Variants in CNOT1 observed in about 807,000 individuals in gnomAD.
The protein encoded by CNOT1 is CCR4-NOT transcription complex subunit 1, also known as CCR4-associated factor 1.
A neutral mutation model predicts 273.8 loss-of-function variants in CNOT1; 15 were observed. The observed-to-expected ratio is 0.05, with a 90% CI of 0.04 to 0.08. The LOEUF (loss-of-function observed/expected upper bound fraction) is 0.08. Among genes scored for constraint, CNOT1 ranks in the 10% least tolerant of loss-of-function variants. The probability of loss-of-function intolerance (pLI) is 1.00; values close to 1 mark genes in which losing one functional copy is unlikely to be tolerated. For synonymous variants in CNOT1, 1,022 were observed against 1,005.5 expected, an observed-to-expected ratio of 1.02 and a Z score of -0.31; for missense variants, 1,644 against 2,912.2, an observed-to-expected ratio of 0.56 and a Z score of 10.02.
At position 58,547,397 on chromosome 16, in the gene CNOT1, G is replaced by C. The variant is rs540792397; in HGVS notation, c.3640-101C>G. The C allele has an allele frequency of 2.0e-5, 31 of 1,551,460 alleles. No individual in the cohort carries two copies. The highest frequency in any genetic ancestry group is 1.9e-4 in the African/African-American group (14 of 72,930). On this transcript the variant is annotated intron_variant, in intron 26 of 48. Transcript: ENST00000317147. The surrounding 1 kb of genome is among the most constrained non-coding windows in gnomAD (Gnocchi z 4.0). ...TTTGCCAAGCTTATCCCCAAAACAG[G>C]AATCAACATAATGTCTAGTCCTTGC...
Position 58,586,694 on chromosome 16 carries a change from G to A in CNOT1, c.488C>T (p.Ala163Val). ...ACCTTCTTGATTTCCACTGACGTCT[G>A]CGTCAATGTAAGAACGCAGAAGATC... ...LPDLLRSYID[A>V]DVSGNQEGGF... Residue 163 changes from alanine to valine, a missense_variant, in exon 7 of 49, where the codon GCA (alanine) becomes GTA (valine). Coordinates refer to ENST00000317147, the MANE Select transcript of CNOT1 (RefSeq NM_016284.5). 1 of 1,613,350 alleles carries A rather than the reference G, an allele frequency of 6.2e-7. No homozygotes were observed. Among genetic ancestry groups the A allele is most frequent in the Non-Finnish European group, 8.5e-7 (1 of 1,179,926 alleles).
rs113668571 is a variant in CNOT1 at position 58,587,241 on chromosome 16, A to G, written c.393T>C (p.Leu131=). The G allele has an allele frequency of 1.9e-6, 3 of 1,613,702 alleles. No individual in the cohort carries two copies. In the African/African-American group the frequency reaches 4.0e-5, roughly 22 times the overall value. ...CTGAGCTGGAAGAATTCAACAGGGC[A>G]AGGCCAAAAATTACCTGAAACAAGA... The part of the protein sequence containing the change: ...LSKVQEVIFG[L]ALLNSSSSDL... Residue 131 remains leucine (L), a synonymous_variant, in exon 6 of 49, where the codon CTT becomes CTC. Transcript: ENST00000317147.
chr16:58,554,935 C>CAAAAGAA (rs774456750), intron 21 of CNOT1, among the ~76,000 whole-genome samples: 1,554 of 78,894 alleles, frequency 0.02, 81 homozygotes, highest in Non-Finnish European at 0.029. Flanking sequence ...GACTCCATCT[C>CAAAAGAA]AAAAAAAAAA....
chr16:58,578,601 A>G, intron 13 of CNOT1, 98 bp downstream of exon 13: 1 of 1,488,504 alleles, frequency 6.7e-7, no homozygotes, highest in Admixed American at 2.2e-5. Flanking sequence ...AATAATTCAG[A>G]GATGTAAAAA....
At chr16:58,607,730 A>G (rs1294519676) in intron 1 of CNOT1, among the ~76,000 whole-genome samples, 2 of 143,476 alleles carry the variant, frequency 1.4e-5, no homozygotes, top group Non-Finnish European at 3.0e-5. Flanking sequence ...TCAAAAAAAA[A>G]AAAAAAAAGA....
intron 34 of CNOT1, among the ~76,000 whole-genome samples, chr16:58,540,499 G>A (rs182604078): frequency 6.6e-6 from 1 of 152,312 alleles, no homozygotes; most frequent in East Asian, 1.9e-4. Flanking sequence ...ATTCAGAAGT[G>A]TTATGGTCAT....
intron 12 of CNOT1, 29 bp from the exon 13 acceptor site, chr16:58,578,968 T>C (rs1300683822): frequency 8.7e-6 from 14 of 1,606,500 alleles, no homozygotes; most frequent in Non-Finnish European, 1.2e-5. Flanking sequence ...ACATGCTTTA[T>C]CAATGAAAAT....
chr16:58,594,396 G>A (rs2042175822), intron 2 of CNOT1, among the ~76,000 whole-genome samples: 1 of 152,208 alleles, frequency 6.6e-6, no homozygotes, highest in African/African-American at 2.4e-5. Flanking sequence ...GAAAGTGACC[G>A]CAAATGAACC....
chr16:58,543,928 C>T, intron 30 of CNOT1, 25 bp from the exon 31 acceptor site: 1 of 1,567,328 alleles, frequency 6.4e-7, no homozygotes, highest in Non-Finnish European at 8.7e-7. Flanking sequence ...AGGACAAAGT[C>T]AACACCTTGT....
Position 58,588,816 on chromosome 16 carries a change from C to T in CNOT1, c.193G>A (p.Gly65Ser). ...VDFSGDGKSS[G>S]KDFHQTQFLI... ...CCAAATACCTGATGGAAATCTTTGC[C>T]ACTGCTTTTACCATCGCCACTGAAA... is the stretch of plus-strand genomic sequence containing the variant. The change falls in exon 3 of 49, where the codon GGC becomes AGC. Residue 65 changes from glycine (G) to serine (S), a missense_variant. By Grantham distance (56) the Gly-to-Ser change is moderately conservative. Coordinates refer to ENST00000317147, the MANE Select transcript of CNOT1 (RefSeq NM_016284.5). 6.2e-7 allele frequency: 1 copy of T among 1,613,852 alleles called. No homozygotes were observed. The highest frequency in any genetic ancestry group is 8.5e-7 in the Non-Finnish European group (1 of 1,179,932).
chr16:58,610,364 C>T (rs954321182), intron 1 of CNOT1, among the ~76,000 whole-genome samples: 3 of 152,164 alleles, frequency 2.0e-5, no homozygotes. Flanking sequence ...TGAGATCACA[C>T]CAATGCACGC....
chr16:58,566,520 A>C (rs1194156978), intron 16 of CNOT1, among the ~76,000 whole-genome samples: 1 of 152,262 alleles, frequency 6.6e-6, no homozygotes, highest in East Asian at 1.9e-4. Context: ...CAGATGGATT[A>C]AAATGTATAA....
At chr16:58,590,240 C>T (rs2042007750) in intron 2 of CNOT1, among the ~76,000 whole-genome samples, 1 of 152,138 alleles carries the variant, frequency 6.6e-6, no homozygotes, top group Non-Finnish European at 1.5e-5. Flanking sequence ...AAGGGGTTGA[C>T]ATATTTAAAA....
chr16:58,576,328 T>C (rs1226244802), intron 14 of CNOT1, 135 bp downstream of exon 14: 4 of 1,274,374 alleles, frequency 3.1e-6, no homozygotes, highest in African/African-American at 1.5e-5. Context: ...GTCAGGCTGG[T>C]CTCGAATTCC....
intron 8 of CNOT1, among the ~76,000 whole-genome samples, chr16:58,583,870 T>TA (rs1225509248): frequency 1.3e-5 from 2 of 151,456 alleles, no homozygotes; most frequent in East Asian, 2.0e-4. Flanking sequence ...CAAACAATTT[T>TA]AAAAAATCAG....
chr16:58,574,330 GAAT>G (rs1193102329), intron 16 of CNOT1, among the ~76,000 whole-genome samples: 12 of 151,592 alleles, frequency 7.9e-5, no homozygotes, highest in Non-Finnish European at 1.6e-4. Context: ...CTTTTTTTGA[GAAT>G]AATTCAAAAG....
intron 6 of CNOT1, 99 bp downstream of exon 6, chr16:58,587,102 A>G (rs1426236828): frequency 6.9e-7 from 1 of 1,457,304 alleles, no homozygotes; most frequent in African/African-American, 1.4e-5. Flanking sequence ...TTAATTTCAG[A>G]TTATCTTACT....
chr16:58,573,116 G>C (rs922886043), intron 16 of CNOT1, among the ~76,000 whole-genome samples: 3 of 151,582 alleles, frequency 2.0e-5, no homozygotes, highest in African/African-American at 7.3e-5. Context: ...GACCGGCCTG[G>C]CCAACATGGC....
intron 16 of CNOT1, among the ~76,000 whole-genome samples, chr16:58,573,647 A>C (rs2041362888): frequency 6.6e-6 from 1 of 151,300 alleles, no homozygotes; most frequent in South Asian, 2.1e-4. Flanking sequence ...CGCCTAGCTA[A>C]TTTTTTTGTA....
Sources: allele counts gnomAD v4.1 joint callset (sites outside exome capture counted in the v4.1 genomes callset), GRCh38; gene constraint gnomAD v4.1.1; non-coding constraint Gnocchi (gnomAD v3.1); transcripts MANE v1.5; gene names NCBI Gene and HGNC (gene_info 2026-07-23, HGNC 2026-07-21).